Variants in IBTK observed in about 807,000 individuals in gnomAD.
The protein encoded by IBTK is BTK-binding protein.
Under a neutral mutation model 154.9 loss-of-function variants are expected in IBTK, and 83 were observed. The observed-to-expected ratio is 0.54, with a 90% CI of 0.45 to 0.64. The LOEUF is 0.64. Ranked by LOEUF, IBTK falls within the 30% of genes least tolerant of loss-of-function variation. The pLI is 0.00. For missense variants in IBTK, 1,332 were observed against 1,584.6 expected (o/e 0.84, Z 2.71); for synonymous variants, 515 against 536.1 (o/e 0.96, Z 0.54).
chr6:82,187,672 C>T (rs1035362579), intron 25 of IBTK, among the ~76,000 whole-genome samples: 2 of 152,054 alleles, frequency 1.3e-5, no homozygotes, highest in Non-Finnish European at 2.9e-5. Context: ...AAGCTGAGAA[C>T]TCTGGAAAGG....
intron 3 of IBTK, among the ~76,000 whole-genome samples, chr6:82,233,618 C>T (rs1411800854): frequency 3.3e-5 from 5 of 149,834 alleles, no homozygotes. Context: ...CAGATAGCCA[C>T]ACACAAATAA....
intron 4 of IBTK, among the ~76,000 whole-genome samples, chr6:82,229,101 T>C (rs1336473077): frequency 1.3e-5 from 2 of 152,136 alleles, no homozygotes; most frequent in East Asian, 3.9e-4. Context: ...TGGTACTCAA[T>C]TAATATTCCC....
In IBTK at chr6:82,219,113, CT is replaced by C. The variant is rs1355043845; in HGVS notation, c.1249-977del. On this transcript the variant is annotated intron_variant, in intron 9 of 28. Transcript: ENST00000306270. ...ACTAGTACAAACTGGAGCTCTAATT[CT>C]TTTTTTTTTTCCTTCAACTTTTAAG... Among the ~76,000 whole-genome samples the C allele has an allele frequency of 5.2e-3, 766 of 146,724 alleles. 6 individuals are homozygous for C. Among genetic ancestry groups the C allele is most frequent in the African/African-American group, 0.017 (668 of 40,216 alleles).
At chr6:82,211,067 A>C (rs1178416880) in intron 15 of IBTK, among the ~76,000 whole-genome samples, 157 bp from the exon 16 acceptor site, 1 of 152,202 alleles carries the variant, frequency 6.6e-6, no homozygotes, top group Non-Finnish European at 1.5e-5. Context: ...ATAATATTAA[A>C]TTTAATTTTA....
chr6:82,179,748 T>C (rs1160504837), intron 26 of IBTK, among the ~76,000 whole-genome samples: 1 of 151,958 alleles, frequency 6.6e-6, no homozygotes, highest in Non-Finnish European at 1.5e-5. Flanking sequence ...GTGAAGTGGA[T>C]GGAGAATTGG....
intron 27 of IBTK, chr6:82,172,760 C>A: frequency 2.7e-6 from 1 of 376,802 alleles, no homozygotes. Flanking sequence ...GATGAGCGAA[C>A]CTGGAAGCTT....
At chr6:82,227,331 A>T in intron 4 of IBTK, 29 bp from the exon 5 acceptor site, 3 of 1,276,666 alleles carry the variant, frequency 2.3e-6, no homozygotes, top group Non-Finnish European at 3.3e-6. Flanking sequence ...ATATTATTAA[A>T]CTTCTCTGAA....
chr6:82,228,604 C>T (rs1286174891), intron 4 of IBTK, among the ~76,000 whole-genome samples: 1 of 151,912 alleles, frequency 6.6e-6, no homozygotes, highest in Non-Finnish European at 1.5e-5. Context: ...TTTAAGTTAT[C>T]CAACTTTAAA....
chr6:82,177,677 G>C (rs927276890), intron 26 of IBTK, among the ~76,000 whole-genome samples: 1 of 152,012 alleles, frequency 6.6e-6, no homozygotes, highest in African/African-American at 2.4e-5. Flanking sequence ...GCCTCCCAAA[G>C]TGCTGAGATT....
chr6:82,186,087 C>T (rs1256676070), intron 25 of IBTK, among the ~76,000 whole-genome samples: 2 of 152,034 alleles, frequency 1.3e-5, no homozygotes, highest in East Asian at 3.9e-4. Context: ...TTTTGGAGCA[C>T]CATGAACCAC....
intron 25 of IBTK, among the ~76,000 whole-genome samples, chr6:82,185,690 C>T (rs1768526798): frequency 6.6e-6 from 1 of 151,650 alleles, no homozygotes; most frequent in Non-Finnish European, 1.5e-5. Context: ...AATTATGTGG[C>T]TATCTCATAA....
In IBTK at chr6:82,211,533, T is replaced by C. The variant is rs1769642196; in HGVS notation, c.2331A>G (p.Gly777=). The change falls in exon 14 of 29, where the codon GGA becomes GGG. Residue 777 remains glycine (G), a synonymous_variant. Transcript: ENST00000306270. ...LCDVTMKSVD[G]KEFPCHKCVL... ...CACATTTATGACAAGGAAATTCCTT[T>C]CCATCCACTGATTTCATGGTCACGT... is the stretch of plus-strand genomic sequence containing the variant. 1 of 1,613,844 alleles carries C rather than the reference T, an allele frequency of 6.2e-7. No homozygotes were observed. The highest frequency in any genetic ancestry group is 2.2e-5 in the East Asian group (1 of 44,798).
Position 82,221,940 on chromosome 6 carries a change from G to A in IBTK, c.1125-1227C>T, listed in dbSNP as rs536247152. Among the ~76,000 whole-genome samples the A allele has an allele frequency of 6.0e-4, 92 of 152,198 alleles. 1 individual carries two copies. The highest frequency in any genetic ancestry group is 3.5e-3 in the South Asian group (17 of 4,826). On this transcript the variant is annotated intron_variant, in intron 8 of 28. Coordinates refer to ENST00000306270, the MANE Select transcript of IBTK (RefSeq NM_015525.4). The stretch of plus-strand genomic sequence containing the variant: ...AGCATTTTGGGAGGCCAAGGTGGGC[G>A]AATCACCTGAGGTCAGGAGTTCGAG...
At chr6:82,243,258 G>A (rs1771024061) in intron 1 of IBTK, among the ~76,000 whole-genome samples, 1 of 150,734 alleles carries the variant, frequency 6.6e-6, no homozygotes, top group African/African-American at 2.4e-5. Context: ...AAAAAAAAGT[G>A]TTTGGTAGCA....
At chr6:82,184,101 A>G (rs1450792328) in intron 25 of IBTK, among the ~76,000 whole-genome samples, 2 of 152,234 alleles carry the variant, frequency 1.3e-5, no homozygotes, top group Non-Finnish European at 2.9e-5. Context: ...AAGGATTGAC[A>G]AACAGATTTC....
chr6:82,226,049 AT>A (rs1270291047), intron 5 of IBTK, among the ~76,000 whole-genome samples: 4 of 152,232 alleles, frequency 2.6e-5, no homozygotes, highest in Admixed American at 6.5e-5. Flanking sequence ...CTTTGGAGTC[AT>A]TTATCTGTCC....
chr6:82,181,217 C>T (rs1768307474), intron 26 of IBTK, among the ~76,000 whole-genome samples: 1 of 151,936 alleles, frequency 6.6e-6, no homozygotes, highest in Non-Finnish European at 1.5e-5. Flanking sequence ...TAATGAGACC[C>T]CCATCTCTAC....
intron 16 of IBTK, among the ~76,000 whole-genome samples, chr6:82,207,860 A>G (rs538609936): frequency 6.6e-6 from 1 of 152,282 alleles, no homozygotes; most frequent in African/African-American, 2.4e-5. Context: ...GGTACTCAAA[A>G]AATAGGACAT....
intron 4 of IBTK, among the ~76,000 whole-genome samples, chr6:82,231,442 T>C (rs1233077224): frequency 2.6e-5 from 4 of 152,176 alleles, no homozygotes; most frequent in African/African-American, 9.6e-5. Flanking sequence ...AGAGAAGCTT[T>C]ACCCTCTTAA....
Sources: gnomAD v4.1 joint callset for allele counts (sites outside exome capture counted in the v4.1 genomes callset) on GRCh38, gnomAD v4.1.1 for gene constraint, MANE v1.5 for transcripts, NCBI Gene and HGNC (gene_info 2026-07-23, HGNC 2026-07-21) for gene names.